Variants in TAF1 observed in about 807,000 individuals in gnomAD.
TAF1 encodes TATA-box binding protein associated factor 1.
TAF1 carries 2 observed loss-of-function variants against 138.5 expected under a neutral mutation model. That is an observed-to-expected ratio of 0.01 (90% CI 0.01 to 0.05). TAF1 has a LOEUF of 0.05. Among genes scored for constraint, TAF1 ranks in the 10% least tolerant of loss-of-function variants. TAF1 has a pLI of 1.00. For missense variants in TAF1, 709 were observed against 1,478.0 expected (o/e 0.48, Z 8.53); for synonymous variants, 437 against 503.2 (o/e 0.87, Z 1.76).
intron 13 of TAF1, among the ~76,000 whole-genome samples, chrX:71,505,968 C>T (rs980998924): frequency 1.1e-4 from 12 of 108,599 alleles, no homozygotes; most frequent in Non-Finnish European, 1.5e-4. Context: ...TGCGGTGAGC[C>T]GAGATCACAC....
chrX:71,379,036 G>A lies in TAF1; in HGVS notation c.1360+5G>A. 1 of 1,205,553 alleles carries A rather than the reference G, an allele frequency of 8.3e-7. No homozygotes were observed. The highest frequency in any genetic ancestry group is 1.1e-6 in the Non-Finnish European group (1 of 891,897). On this transcript the variant is annotated splice_donor_5th_base_variant and intron_variant, in intron 8 of 37. Transcript: ENST00000423759. ...TGGCTTACAATGTTCAGCAAGGTGTGCTTCTGTGCCAGCTGTGTCTAGCAG... is the reference window on the plus strand; with the variant it reads ...TGGCTTACAATGTTCAGCAAGGTGTACTTCTGTGCCAGCTGTGTCTAGCAG...
intron 23 of TAF1, 66 bp from the exon 24 acceptor site, chrX:71,398,506 G>A (rs1485735059): frequency 9.4e-6 from 11 of 1,169,756 alleles, no homozygotes; most frequent in Non-Finnish European, 1.3e-5. Context: ...TATCACGATA[G>A]TCTTCTTGGT....
intron 13 of TAF1, among the ~76,000 whole-genome samples, chrX:71,471,014 T>C (rs1487576904): frequency 9.3e-6 from 1 of 107,484 alleles, no homozygotes; most frequent in Non-Finnish European, 1.9e-5. Context: ...AGAAAGACCA[T>C]GTCTCAAAAA....
At chrX:71,526,953 G>T (rs760253869) in intron 13 of TAF1, among the ~76,000 whole-genome samples, 1 of 102,646 alleles carries the variant, frequency 9.7e-6, no homozygotes, top group South Asian at 4.6e-4. Flanking sequence ...GTGGTGGGAG[G>T]ATCACTTGAG....
chrX:71,463,424 A>G (rs900592835), intron 37 of TAF1, among the ~76,000 whole-genome samples: 7 of 111,129 alleles, frequency 6.3e-5, no homozygotes, highest in African/African-American at 2.3e-4. Flanking sequence ...CAGAGATAAC[A>G]AAGGACTAAG....
chrX:71,389,079 C>G (rs2034413136), intron 17 of TAF1, among the ~76,000 whole-genome samples: 3 of 111,598 alleles, frequency 2.7e-5, no homozygotes, highest in African/African-American at 9.8e-5. Context: ...AGCTAAGTAT[C>G]AGTGGGAAGG....
At chrX:71,476,658 C>T (rs932828985) in intron 13 of TAF1, among the ~76,000 whole-genome samples, 7 of 92,163 alleles carry the variant, frequency 7.6e-5, no homozygotes, top group Non-Finnish European at 1.5e-4. Context: ...CTCTCTCCCT[C>T]AAAAAAAAAA....
chrX:71,381,100 C>G (rs1412685579), intron 8 of TAF1, among the ~76,000 whole-genome samples: 4 of 112,373 alleles, frequency 3.6e-5, no homozygotes, highest in African/African-American at 1.3e-4. Flanking sequence ...TTACCGATAA[C>G]ATGTTGCATT....
intron 32 of TAF1, among the ~76,000 whole-genome samples, chrX:71,430,385 C>CAAAA (rs746183306): frequency 8.6e-5 from 3 of 35,087 alleles, no homozygotes; most frequent in African/African-American, 3.1e-4. Flanking sequence ...CTCCGTCTCA[C>CAAAA]AAAAAAAAAA....
chrX:71,487,934 T>C (rs2039202947), intron 13 of TAF1, among the ~76,000 whole-genome samples: 1 of 112,235 alleles, frequency 8.9e-6, no homozygotes, highest in Non-Finnish European at 1.9e-5. Context: ...TCTGTACTAC[T>C]GTAAATATGT....
chrX:71,508,579 G>A (rs1469636846), intron 13 of TAF1, among the ~76,000 whole-genome samples: 2 of 98,116 alleles, frequency 2.0e-5, no homozygotes, highest in Non-Finnish European at 4.1e-5. Context: ...CACTCCAGAC[G>A]GGGTGACAGA....
chrX:71,477,472 T>C (rs1216000274), intron 13 of TAF1, among the ~76,000 whole-genome samples: 1 of 109,371 alleles, frequency 9.1e-6, no homozygotes, highest in Admixed American at 9.9e-5. Context: ...GTACTTTTTA[T>C]GGAGACAGGG....
At chrX:71,427,938 A>G (rs1458694387) in intron 32 of TAF1, among the ~76,000 whole-genome samples, 1 of 104,434 alleles carries the variant, frequency 9.6e-6, no homozygotes, top group East Asian at 3.0e-4. Context: ...GACTTAGTCT[A>G]AGAAGGAAGA....
intron 4 of TAF1, among the ~76,000 whole-genome samples, chrX:71,376,625 C>T (rs2033490053): frequency 9.2e-6 from 1 of 108,762 alleles, no homozygotes; most frequent in African/African-American, 3.4e-5. Context: ...TAAGATCTCA[C>T]CACTGCACTC....
chrX:71,383,168 T>C lies in TAF1; in HGVS notation c.1947+4T>C. 1 of 1,207,644 alleles carries C rather than the reference T, an allele frequency of 8.3e-7. No individual in the cohort carries two copies. The highest frequency in any genetic ancestry group is 3.0e-5 in the East Asian group (1 of 33,811). ...GCACATCAAAAAAAAGGCCAAGGTA[T>C]AATTGAATTCTGGTTAGAAAACAGC... On this transcript the variant is annotated splice_donor_region_variant and intron_variant, in intron 12 of 37. Coordinates refer to ENST00000423759, the MANE Select transcript of TAF1 (RefSeq NM_004606.5).
At position 71,438,790 on chromosome X, in the gene TAF1, C is replaced by T. The variant is rs765507874; in HGVS notation, c.4753+14552C>T. Among the ~76,000 whole-genome samples, 25 of 111,440 alleles carry T rather than the reference C, an allele frequency of 2.2e-4. 1 individual carries two copies. In the Admixed American group the frequency reaches 2.4e-3, roughly 11 times the overall value. On this transcript the variant is annotated intron_variant, in intron 32 of 37. Transcript: ENST00000423759. Reference sequence around the variant, plus strand: ...GCAGCCTGGCCAACATGGTGAAACCCCGTCTTCACTAAAAATACAAAAAAA... The same window carrying T: ...GCAGCCTGGCCAACATGGTGAAACCTCGTCTTCACTAAAAATACAAAAAAA...
At chrX:71,372,589 T>C (rs918894523) in intron 3 of TAF1, among the ~76,000 whole-genome samples, 8 of 108,372 alleles carry the variant, frequency 7.4e-5, no homozygotes, top group Non-Finnish European at 1.1e-4. Context: ...CAGTGAGCTA[T>C]GATTGAGCTT....
downstream of TAF1, among the ~76,000 whole-genome samples, chrX:71,469,224 TA>T (rs1307078450): frequency 9.0e-6 from 1 of 111,335 alleles, no homozygotes; most frequent in Non-Finnish European, 1.9e-5. Flanking sequence ...CCCAGGAGTT[TA>T]AGGCTGCAGT....
At chrX:71,410,108 G>T (rs1215166786) in intron 28 of TAF1, among the ~76,000 whole-genome samples, 4 of 109,343 alleles carry the variant, frequency 3.7e-5, no homozygotes, top group African/African-American at 1.3e-4. Context: ...GGCCAGGCTG[G>T]TCTTGAACTC....
Sources: gnomAD v4.1 joint callset for allele counts (sites outside exome capture counted in the v4.1 genomes callset) on GRCh38, gnomAD v4.1.1 for gene constraint, MANE v1.5 for transcripts, NCBI Gene and HGNC (gene_info 2026-07-23, HGNC 2026-07-21) for gene names.